CSMD1: variants seen among roughly 807,000 people sequenced by gnomAD.
The protein encoded by CSMD1 is CUB and Sushi multiple domains 1.
CSMD1 carries 213 observed loss-of-function variants against 417.5 expected under a neutral mutation model. That is an observed-to-expected ratio of 0.51 (90% CI 0.46 to 0.57). CSMD1 has a LOEUF of 0.57. Ranked by LOEUF, CSMD1 falls within the 20% of genes least tolerant of loss-of-function variation. The probability of loss-of-function intolerance (pLI) is 0.00; values close to 1 mark genes in which losing one functional copy is unlikely to be tolerated. For missense variants in CSMD1, 6,923 were observed against 4,529.7 expected (o/e 1.53, Z -15.17); for synonymous variants, 2,862 against 1,736.8 (o/e 1.65, Z -16.11).
chr8:2,984,636 C>T lies in CSMD1; in HGVS notation c.8378-5836G>A, dbSNP rs146799747. 2.1e-3 allele frequency among the ~76,000 whole-genome samples: 320 copies of T among 152,322 alleles called. 4 individuals are homozygous for T. The highest frequency in any genetic ancestry group is 6.8e-3 in the Middle Eastern group (2 of 294). On this transcript the variant is annotated intron_variant, in intron 54 of 69. Transcript: ENST00000635120. ...TGCTGGGATTACAGGCATGAGCCAC[C>T]GCGCCTCGCCTCATTCTTTTACTTC...
At chr8:4,027,797 T>G (rs1797140170) in intron 4 of CSMD1, among the ~76,000 whole-genome samples, 1 of 152,126 alleles carries the variant, frequency 6.6e-6, no homozygotes, top group Admixed American at 6.6e-5. Flanking sequence ...GAAATGGAAG[T>G]AAGGCCAAGA....
chr8:4,724,731 G>A lies in CSMD1; in HGVS notation c.86-87173C>T, dbSNP rs1054622550. ...ATGTATCTTGGTAAGATTAATCAAC[G>A]ATTAGCTCTTGAAGCATTTATCACG... On this transcript the variant is annotated intron_variant, in intron 1 of 69. Coordinates refer to ENST00000635120, the MANE Select transcript of CSMD1 (RefSeq NM_033225.6). 3.0e-4 allele frequency among the ~76,000 whole-genome samples: 46 copies of A among 152,132 alleles called. No homozygotes were observed. In the East Asian group the frequency reaches 6.2e-3, roughly 20 times the overall value.
At chr8:4,612,172 C>T (rs1433718898) in intron 2 of CSMD1, among the ~76,000 whole-genome samples, 4 of 152,054 alleles carry the variant, frequency 2.6e-5, no homozygotes, top group Admixed American at 6.6e-5. Flanking sequence ...GTGGCTTGAA[C>T]GCTGAGTGCT....
At chr8:4,357,107 T>A (rs142623327) in intron 3 of CSMD1, among the ~76,000 whole-genome samples, 2 of 152,318 alleles carry the variant, frequency 1.3e-5, no homozygotes, top group Non-Finnish European at 1.5e-5. Flanking sequence ...GTATTACAAC[T>A]CTGAATTGGT....
chr8:3,157,871 C>T (rs1442386771), intron 39 of CSMD1, 26 bp downstream of exon 39: 11 of 1,536,696 alleles, frequency 7.2e-6, no homozygotes, highest in Non-Finnish European at 6.2e-6. Flanking sequence ...TGCGCAGCAG[C>T]AGAGTTACAG....
At chr8:3,342,893 GTGTGTA>G (rs200281781) in intron 23 of CSMD1, among the ~76,000 whole-genome samples, 124 of 69,402 alleles carry the variant, frequency 1.8e-3, no homozygotes, top group Middle Eastern at 0.017. Flanking sequence ...ATAAATATAT[GTGTGTA>G]TGTGTGTGTG....
At chr8:4,692,414 G>C (rs969038184) in intron 1 of CSMD1, among the ~76,000 whole-genome samples, 1 of 152,122 alleles carries the variant, frequency 6.6e-6, no homozygotes, top group African/African-American at 2.4e-5. Context: ...GTTGCTTTTC[G>C]TGGCCAGGAT....
chr8:4,688,826 T>G (rs1806573955), intron 1 of CSMD1, among the ~76,000 whole-genome samples: 1 of 152,154 alleles, frequency 6.6e-6, no homozygotes, highest in Admixed American at 6.5e-5. Flanking sequence ...TCGCAAGTGG[T>G]CTGATGTGAT....
intron 1 of CSMD1, among the ~76,000 whole-genome samples, chr8:4,878,791 T>C (rs1159861865): frequency 3.3e-5 from 5 of 151,764 alleles, no homozygotes; most frequent in Admixed American, 6.6e-5. Context: ...TTTGAGTTTA[T>C]CCCTCCTCTA....
intron 3 of CSMD1, among the ~76,000 whole-genome samples, chr8:4,228,358 C>A (rs1313523648): frequency 6.6e-5 from 10 of 152,164 alleles, no homozygotes; most frequent in Non-Finnish European, 1.5e-5. Context: ...ATTTTCCTTT[C>A]CAGTTTTCCT....
At chr8:4,881,732 G>A (rs966000322) in intron 1 of CSMD1, among the ~76,000 whole-genome samples, 2 of 151,838 alleles carry the variant, frequency 1.3e-5, no homozygotes, top group African/African-American at 4.8e-5. Context: ...GCATGCAGCA[G>A]TGGTCTTTTT....
chr8:4,685,155 A>G (rs1211459866), intron 1 of CSMD1, among the ~76,000 whole-genome samples: 3 of 152,250 alleles, frequency 2.0e-5, no homozygotes, highest in African/African-American at 7.2e-5. Context: ...TGTATGTTGT[A>G]AACAAACATA....
rs528742434 is a variant in CSMD1, at chr8:3,537,089, C to T, written c.1344+37856G>A. Among the ~76,000 whole-genome samples, 42 of 152,090 alleles carry T rather than the reference C, an allele frequency of 2.8e-4. No individual in the cohort carries two copies. The East Asian group carries it at 3.1e-3, about 11-fold the overall frequency. On this transcript the variant is annotated intron_variant, in intron 10 of 69. Coordinates refer to ENST00000635120, the MANE Select transcript of CSMD1 (RefSeq NM_033225.6). The stretch of plus-strand genomic sequence containing the variant: ...CACTATCTCAGCTCACTGCCACCTC[C>T]GCCTCCTGGGTTCCAGCAATTCCCC...
intron 2 of CSMD1, among the ~76,000 whole-genome samples, chr8:4,592,481 G>A (rs1800041573): frequency 1.3e-5 from 2 of 151,984 alleles, no homozygotes; most frequent in Admixed American, 1.3e-4. Context: ...CCACCTGCCA[G>A]GTTTAAGCGA....
chr8:3,802,175 TAAAG>T (rs1414358757), intron 5 of CSMD1, among the ~76,000 whole-genome samples: 1 of 152,030 alleles, frequency 6.6e-6, no homozygotes, highest in African/African-American at 2.4e-5. Context: ...ACTATGACAA[TAAAG>T]AAAGACATTA....
intron 5 of CSMD1, among the ~76,000 whole-genome samples, chr8:3,870,450 G>T (rs796861924): frequency 1.3e-5 from 2 of 151,932 alleles, no homozygotes; most frequent in Non-Finnish European, 2.9e-5. Flanking sequence ...CATGTTGGTG[G>T]GTATTTCTCT....
intron 3 of CSMD1, among the ~76,000 whole-genome samples, chr8:4,091,076 G>C (rs1341021116): frequency 6.6e-6 from 1 of 151,736 alleles, no homozygotes; most frequent in African/African-American, 2.4e-5. Context: ...CCACCACAAT[G>C]CCCAGCTAAT....
intron 3 of CSMD1, among the ~76,000 whole-genome samples, chr8:4,342,604 G>C (rs74758900): frequency 7.9e-5 from 12 of 152,006 alleles, no homozygotes; most frequent in Non-Finnish European, 1.6e-4. Context: ...GGAAAAAAAA[G>C]ATGGTAATAT....
intron 1 of CSMD1, among the ~76,000 whole-genome samples, chr8:4,980,935 T>G (rs1810855650): frequency 6.6e-6 from 1 of 152,176 alleles, no homozygotes; most frequent in Non-Finnish European, 1.5e-5. Context: ...TATCTGTACT[T>G]TGCCCAGCAA....
Sources: gnomAD v4.1 joint callset for allele counts (sites outside exome capture counted in the v4.1 genomes callset) on GRCh38, gnomAD v4.1.1 for gene constraint, MANE v1.5 for transcripts, NCBI Gene and HGNC (gene_info 2026-07-23, HGNC 2026-07-21) for gene names.